The following AZIN2 variants were observed in gnomAD, a reference collection of about 807,000 sequenced individuals.
AZIN2 encodes the protein ODC antizyme inhibitor-2.
In AZIN2, 28 loss-of-function variants were observed where a neutral mutation model predicts 47.8. That is an observed-to-expected ratio of 0.59 (90% CI 0.43 to 0.80). AZIN2 has a LOEUF of 0.80. Ranked by LOEUF, AZIN2 falls within the 30% of genes least tolerant of loss-of-function variation. The probability of loss-of-function intolerance (pLI) is 0.00; values close to 1 mark genes in which losing one functional copy is unlikely to be tolerated. For synonymous variants in AZIN2, 221 were observed against 239.4 expected (o/e 0.92, Z 0.71); for missense variants, 535 against 582.5 (o/e 0.92, Z 0.84).
chr1:33,120,288 C>T lies in AZIN2; in HGVS notation c.*106C>T. ...GTACCCTTGGCCAGGACTCTGGTGCCCACCCTGCCACCCCCGCGCTCCACC... is the reference window on the plus strand; with the variant it reads ...GTACCCTTGGCCAGGACTCTGGTGCTCACCCTGCCACCCCCGCGCTCCACC... On this transcript the variant is annotated 3_prime_UTR_variant, in exon 12 of 12. Transcript: ENST00000294517. 1 of 1,454,494 alleles carries T rather than the reference C, an allele frequency of 6.9e-7. No homozygotes were observed. Among genetic ancestry groups the T allele is most frequent in the Non-Finnish European group, 9.2e-7 (1 of 1,081,880 alleles). The allele number at this position is 1,454,494 out of a possible 1,614,324, so 90.1% of individuals were successfully genotyped here.
At chr1:33,106,786 T>C (rs957221011) in intron 10 of AZIN2, among the ~76,000 whole-genome samples, 15 of 152,184 alleles carry the variant, frequency 9.9e-5, no homozygotes, top group Non-Finnish European at 2.1e-4. Context: ...AAGGGCCATA[T>C]ATGACAAGCT....
At chr1:33,134,935 C>T in the AZIN2 span, among the ~76,000 whole-genome samples, 1 of 152,220 alleles carries the variant, frequency 6.6e-6, no homozygotes, top group Non-Finnish European at 1.5e-5. Flanking sequence ...GGGTTCCCTC[C>T]CTGCCTCCAG....
chr1:33,160,032 A>G, the AZIN2 span: 4 of 1,531,456 alleles, frequency 2.6e-6, no homozygotes, highest in Non-Finnish European at 2.6e-6. Flanking sequence ...GCCTTGACAC[A>G]CAGAGAGGAA....
the AZIN2 span, among the ~76,000 whole-genome samples, chr1:33,143,623 G>C: frequency 6.6e-6 from 1 of 152,300 alleles, no homozygotes; most frequent in South Asian, 2.1e-4. Context: ...TCAATGACTG[G>C]GGTGGTTCCC....
At chr1:33,136,358 CTCTG>C in the AZIN2 span, among the ~76,000 whole-genome samples, 1 of 145,392 alleles carries the variant, frequency 6.9e-6, no homozygotes, top group South Asian at 2.2e-4. Context: ...TTCTCTCTCT[CTCTG>C]TCTTTCTTTC....
chr1:33,140,114 G>T, the AZIN2 span, among the ~76,000 whole-genome samples: 3 of 152,090 alleles, frequency 2.0e-5, no homozygotes, highest in Non-Finnish European at 4.4e-5. The surrounding 1 kb of genome is among the most constrained non-coding windows in gnomAD (Gnocchi z 4.0). Context: ...GAGGAAAGAG[G>T]GGAGAGAGGG....
rs1477281030 is a variant in AZIN2 at position 33,082,361 on chromosome 1, G to A, written c.105+7G>A. ...GGCCTCACAGGCCACCACGGTGAGG[G>A]GCTGGGAATGGGGGTGGGTCCCCGG... is the stretch of plus-strand genomic sequence containing the variant. On this transcript the variant is annotated splice_region_variant and intron_variant, in intron 4 of 11. Coordinates refer to ENST00000294517, the MANE Select transcript of AZIN2 (RefSeq NM_052998.4). 3 of 1,610,614 alleles carry A rather than the reference G, an allele frequency of 1.9e-6. No individual in the cohort carries two copies. Among genetic ancestry groups the A allele is most frequent in the South Asian group, 2.2e-5 (2 of 90,776 alleles).
the AZIN2 span, among the ~76,000 whole-genome samples, chr1:33,152,999 TGGA>T: frequency 6.5e-5 from 7 of 108,434 alleles, no homozygotes; most frequent in African/African-American, 2.2e-4. Context: ...AGGTCACAGT[TGGA>T]GGAGAGCTTC....
chr1:33,117,843 G>T, intron 10 of AZIN2, 59 bp from the exon 11 acceptor site: 1 of 1,580,830 alleles, frequency 6.3e-7, no homozygotes, highest in Non-Finnish European at 8.7e-7. Context: ...TTGAGGGAGG[G>T]AGTGGCAAGG....
At chr1:33,116,121 A>C (rs1031730600) in intron 10 of AZIN2, among the ~76,000 whole-genome samples, 3 of 152,148 alleles carry the variant, frequency 2.0e-5, no homozygotes, top group East Asian at 3.8e-4. Context: ...GACCACAGGA[A>C]TTTTATTTTG....
chr1:33,092,100 C>A lies in AZIN2; in HGVS notation c.330C>A (p.Ile110=), dbSNP rs1642616534. The change falls in exon 6 of 12, where the codon ATC becomes ATA. Residue 110 remains isoleucine (I), a synonymous_variant. Transcript: ENST00000294517. ...QHIGIPASKI[I]CANPCKQIAQ... ...TTGGAATCCCTGCCAGTAAGATCAT[C>A]TGCGCCAACCCCTGTAAGCAAATTG... The A allele has an allele frequency of 1.9e-6, 3 of 1,614,076 alleles. No individual in the cohort carries two copies. Among genetic ancestry groups the A allele is most frequent in the Non-Finnish European group, 2.5e-6 (3 of 1,180,020 alleles).
intron 10 of AZIN2, among the ~76,000 whole-genome samples, chr1:33,117,202 C>G (rs142236618): frequency 5.3e-5 from 8 of 152,352 alleles, no homozygotes; most frequent in Non-Finnish European, 8.8e-5. Context: ...TCTGTGACCT[C>G]TGCCAGGTCC....
chr1:33,096,919 T>G, intron 9 of AZIN2, 50 bp downstream of exon 9: 1 of 1,609,490 alleles, frequency 6.2e-7, no homozygotes, highest in Non-Finnish European at 8.5e-7. Flanking sequence ...AAGCTTCAGA[T>G]AGTGGTTGGC....
the AZIN2 span, among the ~76,000 whole-genome samples, chr1:33,141,680 G>C: frequency 6.6e-6 from 1 of 152,036 alleles, no homozygotes; most frequent in African/African-American, 2.4e-5. Flanking sequence ...TTTCAAGGGA[G>C]GGGGGAGCAT....
At chr1:33,092,847 C>T (rs7354928) in intron 6 of AZIN2, among the ~76,000 whole-genome samples, 4,037 of 152,198 alleles carry the variant, frequency 0.027, 191 homozygotes, top group African/African-American at 0.092. Flanking sequence ...TACTGGACAC[C>T]CTTGGACTTC....
intron 5 of AZIN2, among the ~76,000 whole-genome samples, chr1:33,089,832 A>T (rs1642334800): frequency 1.3e-5 from 2 of 152,226 alleles, no homozygotes; most frequent in Admixed American, 6.5e-5. Flanking sequence ...TTAGACTCTT[A>T]TTACAAAATC....
At chr1:33,159,454 A>G in the AZIN2 span, among the ~76,000 whole-genome samples, 2 of 152,112 alleles carry the variant, frequency 1.3e-5, no homozygotes, top group African/African-American at 4.8e-5. This position sits in a 1 kb window ranked among gnomAD's most constrained non-coding sequence, Gnocchi z 4.2. Flanking sequence ...TGCCCTCTAG[A>G]TGGTTTTCAA....
intron 8 of AZIN2, 121 bp downstream of exon 8, chr1:33,094,834 T>C (rs1049910928): frequency 1.9e-6 from 2 of 1,063,652 alleles, no homozygotes; most frequent in Non-Finnish European, 2.7e-6. Context: ...TGCTTGGTGC[T>C]TACCTGGGTG....
chr1:33,116,520 C>T (rs1230501586), intron 10 of AZIN2, among the ~76,000 whole-genome samples: 1 of 151,972 alleles, frequency 6.6e-6, no homozygotes, highest in East Asian at 1.9e-4. Flanking sequence ...TCATATATTC[C>T]CCATTCTTTA....
Sources: allele counts gnomAD v4.1 joint callset (sites outside exome capture counted in the v4.1 genomes callset), GRCh38; gene constraint gnomAD v4.1.1; non-coding constraint Gnocchi (gnomAD v3.1); transcripts MANE v1.5; gene names NCBI Gene and HGNC (gene_info 2026-07-23, HGNC 2026-07-21).